The following XIRP2 variants were observed in gnomAD, a reference collection of about 807,000 sequenced individuals.
The protein encoded by XIRP2 is xin actin-binding repeat-containing protein 2.
In XIRP2, 236 loss-of-function variants were observed where a neutral mutation model predicts 277.0. The ratio of observed to expected loss-of-function variants is 0.85; its 90% confidence interval spans 0.77 to 0.95. The LOEUF (loss-of-function observed/expected upper bound fraction) is 0.95, where lower values mean the gene tolerates loss of function less well. Among genes scored for constraint, XIRP2 ranks in the 40% least tolerant of loss-of-function variants. The probability of loss-of-function intolerance (pLI) is 0.00; values close to 1 mark genes in which losing one functional copy is unlikely to be tolerated. For synonymous variants in XIRP2, 1,490 were observed against 1,416.5 expected (o/e 1.05, Z -1.17); for missense variants, 4,640 against 4,157.5 (o/e 1.12, Z -3.19).
intron 2 of XIRP2, among the ~76,000 whole-genome samples, chr2:166,957,695 G>A (rs1049575006): frequency 2.0e-5 from 3 of 151,772 alleles, no homozygotes; most frequent in African/African-American, 4.8e-5. Flanking sequence ...TTCCCACAAA[G>A]AGGAAGCATT....
chr2:167,043,918 A>G (rs955100630), intron 2 of XIRP2, among the ~76,000 whole-genome samples: 2 of 151,868 alleles, frequency 1.3e-5, no homozygotes, highest in African/African-American at 4.8e-5. Flanking sequence ...AATTATCCTC[A>G]CTCTCTGATG....
Position 167,245,428 on chromosome 2 carries a change from G to C in XIRP2, c.4036G>C (p.Asp1346His). Residue 1346 changes from aspartate (D) to histidine (H), a missense_variant, in exon 9 of 11, where the codon GAT becomes CAT. Coordinates refer to ENST00000409195, the MANE Select transcript of XIRP2 (RefSeq NM_152381.6). ...TAAAAAAGAAGAGGTAATTCATGGA[G>C]ATGTGCGAGGAACAAGGTGGCTTTT... Reference protein sequence around the residue: ...TVKKEEVIHGDVRGTRWLFET... With the variant: ...TVKKEEVIHGHVRGTRWLFET... 3 of 1,613,686 alleles carry C rather than the reference G, an allele frequency of 1.9e-6. No individual in the cohort carries two copies. The highest frequency in any genetic ancestry group is 2.5e-6 in the Non-Finnish European group (3 of 1,179,738).
chr2:167,003,838 G>A (rs1022984571), intron 2 of XIRP2, among the ~76,000 whole-genome samples: 3 of 151,824 alleles, frequency 2.0e-5, no homozygotes, highest in South Asian at 2.1e-4. Context: ...ACTTAATCAT[G>A]TATTTTGGCT....
rs758430808 is a variant in XIRP2 at position 167,210,940 on chromosome 2, T to C, written c.723+45T>C. 66 of 1,605,342 alleles carry C rather than the reference T, an allele frequency of 4.1e-5. 1 individual carries two copies. Among genetic ancestry groups the C allele is most frequent in the Non-Finnish European group, 2.0e-5 (23 of 1,174,566 alleles). On this transcript the variant is annotated intron_variant, in intron 4 of 10. Transcript: ENST00000409195. Reference sequence around the variant, plus strand: ...TTTGCACTAGGCAATGTGCTTACTGTCTGTCCCAATTCCCTCTTTATATTT... The same window carrying C: ...TTTGCACTAGGCAATGTGCTTACTGCCTGTCCCAATTCCCTCTTTATATTT...
intron 2 of XIRP2, among the ~76,000 whole-genome samples, chr2:167,046,807 A>C (rs76644320): frequency 0.016 from 2,489 of 152,084 alleles, 26 homozygotes; most frequent in African/African-American, 0.025. Flanking sequence ...GATGATCCAA[A>C]AACTACCTCT....
chr2:167,080,929 G>T (rs1274666102), intron 2 of XIRP2, among the ~76,000 whole-genome samples: 1 of 151,934 alleles, frequency 6.6e-6, no homozygotes, highest in Admixed American at 6.6e-5. Context: ...TGCAAGTTTT[G>T]AGACAACAAT....
chr2:167,210,369 C>A (rs983896511), intron 3 of XIRP2, among the ~76,000 whole-genome samples: 21 of 152,090 alleles, frequency 1.4e-4, no homozygotes, highest in Admixed American at 2.0e-4. Flanking sequence ...TATTACCTAC[C>A]TTACAAGATT....
intron 2 of XIRP2, among the ~76,000 whole-genome samples, chr2:166,909,093 A>G (rs905777519): frequency 5.3e-5 from 8 of 152,120 alleles, no homozygotes; most frequent in African/African-American, 7.2e-5. Context: ...TTGTCTTGGC[A>G]ATGTGGGCCC....
At chr2:167,001,802 C>G (rs1444400000) in intron 2 of XIRP2, among the ~76,000 whole-genome samples, 1 of 152,020 alleles carries the variant, frequency 6.6e-6, no homozygotes, top group Non-Finnish European at 1.5e-5. Context: ...CTTTATAATT[C>G]TCTAAATGTA....
Position 167,221,460 on chromosome 2 carries a change from C to CAAAAAAAAA in XIRP2, c.858+3177_858+3185dup, listed in dbSNP as rs57006710. On this transcript the variant is annotated intron_variant, in intron 5 of 10. Transcript: ENST00000409195. ...GGGCAACAAGAGCGAAACTCCATCT[C>CAAAAAAAAA]AAAAAAAAAAAAAAAAAAAAAAAAA... is the stretch of plus-strand genomic sequence containing the variant. Among the ~76,000 whole-genome samples the CAAAAAAAAA allele has an allele frequency of 3.2e-5, 2 of 63,488 alleles. 1 individual carries two copies. Among genetic ancestry groups the CAAAAAAAAA allele is most frequent in the Non-Finnish European group, 7.1e-5 (2 of 28,086 alleles). The allele number at this position is 63,488 out of a possible 152,430, so 41.7% of individuals were successfully genotyped here. A position where few individuals can be genotyped will look rare whatever the true frequency, so the allele number is the denominator to read the frequency against.
At chr2:166,965,465 T>C (rs1025765872) in intron 2 of XIRP2, among the ~76,000 whole-genome samples, 4 of 151,932 alleles carry the variant, frequency 2.6e-5, no homozygotes, top group Non-Finnish European at 4.4e-5. Context: ...TGATCATGAA[T>C]GAGCCTGGAA....
At chr2:166,926,243 A>G (rs903065375) in intron 2 of XIRP2, among the ~76,000 whole-genome samples, 1 of 151,958 alleles carries the variant, frequency 6.6e-6, no homozygotes, top group African/African-American at 2.4e-5. Context: ...CTCCTCTCAC[A>G]TTTCTTTTAA....
chr2:167,015,998 G>A (rs899830907), intron 2 of XIRP2, among the ~76,000 whole-genome samples: 20 of 151,560 alleles, frequency 1.3e-4, no homozygotes, highest in Admixed American at 1.3e-4. Flanking sequence ...AACATGACTT[G>A]CATTTTCCCC....
At chr2:166,959,267 T>C (rs988576070) in intron 2 of XIRP2, among the ~76,000 whole-genome samples, 1 of 151,834 alleles carries the variant, frequency 6.6e-6, no homozygotes, top group Non-Finnish European at 1.5e-5. Flanking sequence ...GATCAAACCC[T>C]GAAAAGCTGC....
In XIRP2 at chr2:167,258,562, G is replaced by GA. The variant is rs1559049467; in HGVS notation, c.*750dup. The stretch of plus-strand genomic sequence containing the variant: ...TGATTGTGCAGAGTGCTGAAAAGGA[G>GA]AAAAATGAAAAAACTAACCAAACTA... On this transcript the variant is annotated 3_prime_UTR_variant, in exon 11 of 11. Transcript: ENST00000409195. 1.2e-5 allele frequency: 20 copies of GA among 1,612,842 alleles called. No individual in the cohort carries two copies. Among genetic ancestry groups the GA allele is most frequent in the Non-Finnish European group, 1.6e-5 (19 of 1,179,464 alleles).
At chr2:166,927,777 T>C (rs1685229061) in intron 2 of XIRP2, among the ~76,000 whole-genome samples, 1 of 152,144 alleles carries the variant, frequency 6.6e-6, no homozygotes, top group South Asian at 2.1e-4. Context: ...GACATGGGCA[T>C]CCTTGGTGGG....
chr2:167,214,093 A>AGAAGGAAAGAAGGAAG (rs1694147961), intron 4 of XIRP2, among the ~76,000 whole-genome samples: 1 of 64,372 alleles, frequency 1.6e-5, no homozygotes, highest in South Asian at 7.2e-4. Context: ...GAAGAAAGAA[A>AGAAGGAAAGAAGGAAG]GAAGGAAGGA....
intron 9 of XIRP2, among the ~76,000 whole-genome samples, chr2:167,252,358 C>G (rs1192714085): frequency 6.6e-6 from 1 of 151,950 alleles, no homozygotes; most frequent in African/African-American, 2.4e-5. Flanking sequence ...GAGTTCAATA[C>G]AGACTGATAG....
At chr2:167,163,018 T>C (rs1460987166) in intron 3 of XIRP2, among the ~76,000 whole-genome samples, 1 of 152,202 alleles carries the variant, frequency 6.6e-6, no homozygotes, top group African/African-American at 2.4e-5. Context: ...TTCTCCCCTT[T>C]CTTATTGATG....
Sources: gnomAD v4.1 joint callset for allele counts (sites outside exome capture counted in the v4.1 genomes callset) on GRCh38, gnomAD v4.1.1 for gene constraint, MANE v1.5 for transcripts, NCBI Gene and HGNC (gene_info 2026-07-23, HGNC 2026-07-21) for gene names.